HLCS: variants seen among roughly 807,000 people sequenced by gnomAD.
The protein encoded by HLCS is holocarboxylase synthetase.
HLCS carries 53 observed loss-of-function variants against 75.0 expected under a neutral mutation model. The ratio of observed to expected loss-of-function variants is 0.71; its 90% CI spans 0.57 to 0.89. HLCS has a LOEUF of 0.89. Ranked by LOEUF, HLCS falls within the 40% of genes least tolerant of loss-of-function variation. The pLI is 0.00. For synonymous variants in HLCS, 431 were observed against 428.6 expected (o/e 1.01, Z -0.07); for missense variants, 966 against 1,074.0 (o/e 0.90, Z 1.41).
chr21:36,799,818 C>T (rs2061142741), intron 6 of HLCS, among the ~76,000 whole-genome samples: 1 of 152,176 alleles, frequency 6.6e-6, no homozygotes, highest in African/African-American at 2.4e-5. Flanking sequence ...AAATCAGAGT[C>T]CCGAATTCAG....
intron 5 of HLCS, among the ~76,000 whole-genome samples, chr21:36,926,863 C>A (rs931081705): frequency 6.6e-6 from 1 of 152,032 alleles, no homozygotes; most frequent in African/African-American, 2.4e-5. Flanking sequence ...CTGCCTCAGC[C>A]TCCCGAGTAG....
At chr21:36,900,363 C>G (rs904638716) in intron 5 of HLCS, among the ~76,000 whole-genome samples, 7 of 152,150 alleles carry the variant, frequency 4.6e-5, no homozygotes, top group African/African-American at 1.7e-4. Context: ...GGGATTCCAG[C>G]AAGTGCAGAG....
intron 6 of HLCS, among the ~76,000 whole-genome samples, chr21:36,832,715 G>C (rs1415770937): frequency 1.3e-5 from 2 of 152,208 alleles, no homozygotes; most frequent in African/African-American, 2.4e-5. Flanking sequence ...TTTGTTCACT[G>C]TTTTCTTTAA....
At chr21:36,863,895 T>C (rs868049353) in intron 6 of HLCS, among the ~76,000 whole-genome samples, 1 of 152,046 alleles carries the variant, frequency 6.6e-6, no homozygotes, top group Non-Finnish European at 1.5e-5. Flanking sequence ...GGCTTAAATG[T>C]CCCCTAGTAG....
At chr21:36,963,036 A>G (rs894687672) in intron 1 of HLCS, among the ~76,000 whole-genome samples, 1 of 152,198 alleles carries the variant, frequency 6.6e-6, no homozygotes, top group South Asian at 2.1e-4. Context: ...CAGAGAGAAA[A>G]GCTATTTCAG....
At chr21:36,932,022 T>C (rs1219156371) in intron 4 of HLCS, among the ~76,000 whole-genome samples, 1 of 152,144 alleles carries the variant, frequency 6.6e-6, no homozygotes, top group Admixed American at 6.5e-5. Context: ...TGAGTACGGG[T>C]GTGAGTGTGC....
chr21:36,966,249 T>A (rs1036751424), intron 1 of HLCS, among the ~76,000 whole-genome samples, 195 bp downstream of exon 1: 6 of 152,016 alleles, frequency 3.9e-5, no homozygotes, highest in African/African-American at 1.4e-4. Context: ...GGCGACCGGG[T>A]CCGTGGTCCG....
At chr21:36,916,287 T>C (rs2065924368) in intron 5 of HLCS, among the ~76,000 whole-genome samples, 1 of 152,274 alleles carries the variant, frequency 6.6e-6, no homozygotes, top group African/African-American at 2.4e-5. Flanking sequence ...AATCCCTTTG[T>C]TGAGTATAAA....
chr21:36,873,912 A>G (rs1258697479), intron 6 of HLCS, among the ~76,000 whole-genome samples: 1 of 152,252 alleles, frequency 6.6e-6, no homozygotes, highest in East Asian at 1.9e-4. Flanking sequence ...GAATTTTTAA[A>G]TGAAGTCTAA....
chr21:36,966,425 G>GCGCCC lies in HLCS; in HGVS notation c.195+18_195+19insGGGCG. ...CCGGCTCGCGGGGCCCGGGTCGCCC[G>GCGCCC]CCCGCCCGACCCGCCCACCTGGCTG... On this transcript the variant is annotated intron_variant, in intron 1 of 10. Transcript: ENST00000674895. 1.0e-5 allele frequency: 2 copies of GCGCCC among 195,438 alleles called. No individual in the cohort carries two copies. Among genetic ancestry groups the GCGCCC allele is most frequent in the Non-Finnish European group, 1.7e-5 (2 of 116,690 alleles). 12.1% of individuals were successfully genotyped at this position (195,438 alleles called of 1,614,324 possible).
chr21:36,944,421 T>C (rs1033148020), intron 2 of HLCS, among the ~76,000 whole-genome samples: 1 of 152,242 alleles, frequency 6.6e-6, no homozygotes, highest in Admixed American at 6.5e-5. Context: ...TAATGTTTCA[T>C]GTCTTAATGA....
In HLCS at chr21:36,925,480, C is replaced by T. The variant is rs77763166; in HGVS notation, c.1620+4771G>A. 9.2e-5 allele frequency among the ~76,000 whole-genome samples: 14 copies of T among 152,336 alleles called. No homozygotes were observed. In the East Asian group the frequency reaches 2.7e-3, roughly 29 times the overall value. On this transcript the variant is annotated intron_variant, in intron 5 of 10. Coordinates refer to ENST00000674895, the MANE Select transcript of HLCS (RefSeq NM_001352514.2). ...GGAGCAATGCACAAGCTCTCTAGTT[C>T]CCCAAGGTAAAGGTGCCGACCTTCC...
chr21:36,964,368 C>G (rs445437), intron 1 of HLCS, among the ~76,000 whole-genome samples: 16,112 of 152,226 alleles, frequency 0.11, 1,070 homozygotes, highest in Middle Eastern at 0.14. Flanking sequence ...CAGTAGCCAA[C>G]CACAAATAAA....
intron 5 of HLCS, among the ~76,000 whole-genome samples, chr21:36,901,115 G>T (rs550431722): frequency 1.9e-4 from 29 of 152,118 alleles, no homozygotes; most frequent in Non-Finnish European, 3.5e-4. Context: ...ACAAAAATTA[G>T]CTGGGCATGG....
At chr21:36,923,568 A>G (rs1047857895) in intron 5 of HLCS, among the ~76,000 whole-genome samples, 1 of 152,206 alleles carries the variant, frequency 6.6e-6, no homozygotes, top group Non-Finnish European at 1.5e-5. Context: ...AACGTGGAAA[A>G]CAACAAAAGC....
chr21:36,954,334 G>A (rs2067817488), intron 2 of HLCS, among the ~76,000 whole-genome samples: 1 of 150,586 alleles, frequency 6.6e-6, no homozygotes, highest in Non-Finnish European at 1.5e-5. Flanking sequence ...AAAAGTATAG[G>A]CCAGGTGCAG....
intron 5 of HLCS, among the ~76,000 whole-genome samples, chr21:36,916,843 TC>T (rs934541417): frequency 5.3e-5 from 8 of 151,862 alleles, no homozygotes; most frequent in African/African-American, 1.9e-4. Flanking sequence ...AAACAAATAC[TC>T]CCCGGGCCAA....
rs1375239150 is a variant in HLCS at position 36,842,862 on chromosome 21, C to T, written c.1892+53998G>A. ...GGCCCTGAAAAATTCTGCAGACCTA[C>T]GTCAGCCTAACCAGCAGGATGAGGG... On this transcript the variant is annotated intron_variant, in intron 6 of 10. Transcript: ENST00000674895. The surrounding 1 kb of genome is among the most constrained non-coding windows in gnomAD (Gnocchi z 4.2). Among the ~76,000 whole-genome samples the T allele has an allele frequency of 1.3e-5, 2 of 152,200 alleles. No individual in the cohort carries two copies. Among genetic ancestry groups the T allele is most frequent in the Non-Finnish European group, 2.9e-5 (2 of 68,034 alleles).
chr21:36,926,266 G>A (rs2066401755), intron 5 of HLCS, among the ~76,000 whole-genome samples: 1 of 152,228 alleles, frequency 6.6e-6, no homozygotes. Context: ...CAGAAGCAAA[G>A]GGACAGCTTC....
Sources: allele counts gnomAD v4.1 joint callset (sites outside exome capture counted in the v4.1 genomes callset), GRCh38; gene constraint gnomAD v4.1.1; non-coding constraint Gnocchi (gnomAD v3.1); transcripts MANE v1.5; gene names NCBI Gene and HGNC (gene_info 2026-07-23, HGNC 2026-07-21).